CES5A: variants seen among roughly 807,000 people sequenced by gnomAD.
CES5A encodes the protein carboxylesterase 5.
CES5A carries 67 observed loss-of-function variants against 62.9 expected under a neutral mutation model. That is an observed-to-expected ratio of 1.07 (90% CI 0.88 to 1.31). The LOEUF (loss-of-function observed/expected upper bound fraction) is 1.31. Among genes scored for constraint, CES5A ranks in the 50% most tolerant of loss-of-function variants. The pLI, the probability that CES5A is intolerant of heterozygous loss-of-function variation, is 0.00. For synonymous variants in CES5A, 296 were observed against 280.8 expected (o/e 1.05, Z -0.54); for missense variants, 748 against 708.5 (o/e 1.06, Z -0.63).
chr16:55,926,118 T>C (rs1436160275), upstream of CES5A, among the ~76,000 whole-genome samples: 1 of 152,162 alleles, frequency 6.6e-6, no homozygotes, highest in Non-Finnish European at 1.5e-5. Context: ...CAAGAAGAGA[T>C]GAATTAACAT....
chr16:55,853,449 G>A (rs1341596130), intron 9 of CES5A, among the ~76,000 whole-genome samples: 1 of 152,140 alleles, frequency 6.6e-6, no homozygotes, highest in African/African-American at 2.4e-5. Context: ...ACCAAATGTA[G>A]GACCCTTCTG....
At chr16:55,871,279 A>G (rs1168001632) in intron 3 of CES5A, among the ~76,000 whole-genome samples, 2 of 152,238 alleles carry the variant, frequency 1.3e-5, no homozygotes, top group Non-Finnish European at 2.9e-5. Flanking sequence ...AAGTTGGAGG[A>G]TAAAATTATT....
chr16:55,909,322 G>A (rs574981711), intron 1 of CES5A, among the ~76,000 whole-genome samples: 1 of 152,304 alleles, frequency 6.6e-6, no homozygotes, highest in South Asian at 2.1e-4. Flanking sequence ...GACACAGAAT[G>A]AGGATAAAAG....
At chr16:55,853,796 T>G (rs569272345) in intron 9 of CES5A, among the ~76,000 whole-genome samples, 6 of 152,110 alleles carry the variant, frequency 3.9e-5, no homozygotes, top group Non-Finnish European at 8.8e-5. Flanking sequence ...TGGCAGAGAG[T>G]GCATGGTAAA....
At chr16:55,865,483 G>C (rs1258320597) in intron 5 of CES5A, among the ~76,000 whole-genome samples, 17 of 152,318 alleles carry the variant, frequency 1.1e-4, no homozygotes, top group African/African-American at 4.1e-4. Flanking sequence ...AATTTTGCAG[G>C]TGGTTTATGC....
chr16:55,868,902 C>T, intron 4 of CES5A, among the ~76,000 whole-genome samples: 1 of 152,212 alleles, frequency 6.6e-6, no homozygotes, highest in Non-Finnish European at 1.5e-5. Flanking sequence ...GAGAACCTTC[C>T]TTGAAGGATT....
At chr16:55,913,626 G>T (rs2034117321) in intron 1 of CES5A, among the ~76,000 whole-genome samples, 1 of 152,134 alleles carries the variant, frequency 6.6e-6, no homozygotes, top group Non-Finnish European at 1.5e-5. Flanking sequence ...CAGCTTAAAG[G>T]TTAGAAGCAA....
chr16:55,941,933 A>G (rs138683478), intron 2 of CES5A, among the ~76,000 whole-genome samples: 28 of 152,316 alleles, frequency 1.8e-4, no homozygotes, highest in Non-Finnish European at 2.9e-5. Flanking sequence ...ATTTCTTTTT[A>G]GACCTTTTAA....
chr16:55,903,121 G>T (rs1783514800), intron 1 of CES5A, among the ~76,000 whole-genome samples: 1 of 147,078 alleles, frequency 6.8e-6, no homozygotes, highest in Non-Finnish European at 1.5e-5. Context: ...AGTCTAAAGG[G>T]ATGCAGAGAA....
chr16:55,864,850 A>G (rs1415256601), intron 5 of CES5A, among the ~76,000 whole-genome samples: 7 of 150,590 alleles, frequency 4.6e-5, no homozygotes, highest in Non-Finnish European at 2.9e-5. Context: ...TTGGGCTGCA[A>G]TGAACTATGA....
intron 1 of CES5A, among the ~76,000 whole-genome samples, chr16:55,900,883 G>A (rs1195344843): frequency 6.6e-6 from 1 of 152,184 alleles, no homozygotes; most frequent in African/African-American, 2.4e-5. Context: ...TCTTTAAAGT[G>A]CACGTGGGAA....
upstream of CES5A, among the ~76,000 whole-genome samples, chr16:55,878,833 A>C (rs1245111774): frequency 2.4e-5 from 3 of 127,192 alleles, no homozygotes; most frequent in South Asian, 2.7e-4. Context: ...TACACCCATC[A>C]CTGCACCCCC....
At chr16:55,857,859 C>G (rs2033274243) in intron 8 of CES5A, among the ~76,000 whole-genome samples, 1 of 152,138 alleles carries the variant, frequency 6.6e-6, no homozygotes, top group African/African-American at 2.4e-5. Context: ...GTGGGCAACT[C>G]CCCTAATATC....
intron 1 of CES5A, among the ~76,000 whole-genome samples, chr16:55,880,692 G>A (rs2033752718): frequency 6.6e-6 from 1 of 152,208 alleles, no homozygotes; most frequent in African/African-American, 2.4e-5. Context: ...GGGCTGCACT[G>A]AGGCGTGCAT....
chr16:55,849,360 A>T lies in CES5A; in HGVS notation c.1423+264T>A, dbSNP rs112365531. On this transcript the variant is annotated intron_variant, in intron 11 of 12. Transcript: ENST00000290567. Reference sequence around the variant, plus strand: ...ATGGTTCTAGTATATTAAAAAAAAAAATATTTAGATTGCTTGAGTGCCCTG... The same window carrying T: ...ATGGTTCTAGTATATTAAAAAAAAATATATTTAGATTGCTTGAGTGCCCTG... 6.3e-3 allele frequency among the ~76,000 whole-genome samples: 950 copies of T among 151,416 alleles called. 8 individuals are homozygous for T. Among genetic ancestry groups the T allele is most frequent in the South Asian group, 0.025 (120 of 4,774 alleles).
chr16:55,868,015 C>G (rs1402400254), intron 4 of CES5A, among the ~76,000 whole-genome samples: 2 of 152,186 alleles, frequency 1.3e-5, no homozygotes, highest in Admixed American at 1.3e-4. Context: ...TCCTGGTACA[C>G]TACTCTGTGA....
intron 1 of CES5A, among the ~76,000 whole-genome samples, chr16:55,889,187 G>A (rs1250493327): frequency 3.3e-5 from 5 of 151,246 alleles, no homozygotes; most frequent in Admixed American, 2.0e-4. Context: ...ACCATTCAAC[G>A]CAATGCTTCT....
At chr16:55,871,790 CA>C (rs749037841) in intron 2 of CES5A, 27 bp from the exon 3 acceptor site, 7 of 1,610,800 alleles carry the variant, frequency 4.3e-6, no homozygotes, top group Non-Finnish European at 3.4e-6. Context: ...AGAAAACCCT[CA>C]GAAAAAGTTA....
intron 1 of CES5A, among the ~76,000 whole-genome samples, chr16:55,891,523 C>T (rs2033878029): frequency 6.6e-6 from 1 of 152,196 alleles, no homozygotes; most frequent in South Asian, 2.1e-4. Flanking sequence ...AAAGGCAGAA[C>T]AACTCGAAGC....
Sources: gnomAD v4.1 joint callset for allele counts (sites outside exome capture counted in the v4.1 genomes callset) on GRCh38, gnomAD v4.1.1 for gene constraint, MANE v1.5 for transcripts, NCBI Gene and HGNC (gene_info 2026-07-23, HGNC 2026-07-21) for gene names.